Variants in TCP11L1 observed in about 807,000 individuals in gnomAD.
TCP11L1 encodes t-complex 11 like 1.
Under a neutral mutation model 48.9 loss-of-function variants are expected in TCP11L1, and 28 were observed. The observed-to-expected ratio is 0.57, with a 90% confidence interval of 0.42 to 0.78. TCP11L1 has a LOEUF of 0.78. TCP11L1 is among the 30% of genes least tolerant of loss of function. The pLI is 0.00. For missense variants in TCP11L1, 505 were observed against 613.4 expected, an observed-to-expected ratio of 0.82 and a Z score of 1.87; for synonymous variants, 204 against 231.9, an observed-to-expected ratio of 0.88 and a Z score of 1.09.
In TCP11L1 at chr11:33,057,240, G is replaced by T; in HGVS notation, c.417+5G>T. 6.2e-7 allele frequency: 1 copy of T among 1,614,006 alleles called. No homozygotes were observed. Among genetic ancestry groups the T allele is most frequent in the East Asian group, 2.2e-5 (1 of 44,866 alleles). ...CTTGTAGGAGAAATCAAAGAGGTGA[G>T]GCAAAGAGTGAATTGTGATGCTTTT... On this transcript the variant is annotated splice_donor_5th_base_variant and intron_variant, in intron 4 of 9. Coordinates refer to ENST00000334274, the MANE Select transcript of TCP11L1 (RefSeq NM_018393.4).
At chr11:33,053,674 A>C (rs190111265) in intron 2 of TCP11L1, among the ~76,000 whole-genome samples, 100 of 152,240 alleles carry the variant, frequency 6.6e-4, no homozygotes, top group Admixed American at 2.7e-3. Flanking sequence ...CATTCTAGAA[A>C]ATTCTTGTGT....
At chr11:33,045,550 C>T (rs943304754) in intron 2 of TCP11L1, among the ~76,000 whole-genome samples, 4 of 151,926 alleles carry the variant, frequency 2.6e-5, no homozygotes, top group Non-Finnish European at 5.9e-5. Flanking sequence ...ATAAAGAGGC[C>T]AGGATTGATT....
intron 2 of TCP11L1, 46 bp downstream of exon 2, chr11:33,043,982 C>T (rs1853913388): frequency 6.5e-7 from 1 of 1,532,718 alleles, no homozygotes; most frequent in Non-Finnish European, 8.8e-7. Flanking sequence ...TCATTGTTTT[C>T]AGGTGACGGT....
intron 7 of TCP11L1, among the ~76,000 whole-genome samples, chr11:33,063,527 T>C (rs530129142): frequency 3.9e-5 from 6 of 152,350 alleles, no homozygotes; most frequent in African/African-American, 1.4e-4. Flanking sequence ...GTGTGGTTGT[T>C]CACAGCTTTA....
intron 8 of TCP11L1, among the ~76,000 whole-genome samples, chr11:33,067,237 G>A (rs1396560146): frequency 1.3e-5 from 2 of 152,182 alleles, no homozygotes; most frequent in African/African-American, 4.8e-5. Context: ...CATGTTGGGT[G>A]ACTTCTATGG....
chr11:33,042,979 T>C (rs1192474583), intron 1 of TCP11L1, among the ~76,000 whole-genome samples: 1 of 152,224 alleles, frequency 6.6e-6, no homozygotes, highest in African/African-American at 2.4e-5. Flanking sequence ...GGCAGGAGAA[T>C]CACTTGAAAC....
rs763957525 is a variant in TCP11L1 at position 33,058,119 on chromosome 11, G to A, written c.618G>A (p.Lys206=). 5 of 1,613,458 alleles carry A rather than the reference G, an allele frequency of 3.1e-6. No homozygotes were observed. Among genetic ancestry groups the A allele is most frequent in the Non-Finnish European group, 4.2e-6 (5 of 1,179,944 alleles). The change falls in exon 5 of 10, where the codon AAG becomes AAA. Residue 206 remains lysine (K), a synonymous_variant. Coordinates refer to ENST00000334274, the MANE Select transcript of TCP11L1 (RefSeq NM_018393.4). ...AAGTTAAGAAACTAAAGGACATTAA[G>A]GAAATAGTGCCCCTTTTCAGGTATG... The part of the protein sequence containing the change: ...DEEVKKLKDI[K]EIVPLFREIF...
At chr11:33,070,022 C>T (rs1270003413) in intron 9 of TCP11L1, among the ~76,000 whole-genome samples, 4 of 152,052 alleles carry the variant, frequency 2.6e-5, no homozygotes, top group South Asian at 4.2e-4. Flanking sequence ...AGCCAGTTAC[C>T]GACAGATTGA....
chr11:33,065,764 C>CG, intron 7 of TCP11L1, 66 bp from the exon 8 acceptor site: 1 of 1,550,072 alleles, frequency 6.5e-7, no homozygotes, highest in Non-Finnish European at 8.8e-7. Context: ...GGGGCTGTGG[C>CG]GCTCCCGCCC....
rs575294021 is a variant in TCP11L1, at chr11:33,062,013, G to A, written c.972+287G>A. On this transcript the variant is annotated intron_variant, in intron 7 of 9. Transcript: ENST00000334274. ...AGAGAATTGCTTGAACCTGGGAGGC[G>A]GAGCTTGCAGTGAGCCAAGATTGCA... 5.3e-5 allele frequency among the ~76,000 whole-genome samples: 8 copies of A among 152,158 alleles called. 1 individual carries two copies. In the East Asian group the frequency reaches 5.8e-4, roughly 11 times the overall value.
intron 1 of TCP11L1, among the ~76,000 whole-genome samples, chr11:33,041,469 G>A (rs1321319813): frequency 6.6e-6 from 1 of 152,162 alleles, no homozygotes; most frequent in African/African-American, 2.4e-5. Context: ...TACAGGCCTG[G>A]GCCAGGTGCA....
At position 33,049,255 on chromosome 11, in the gene TCP11L1, A is replaced by C. The variant is rs1854087836; in HGVS notation, c.163+5319A>C. Among the ~76,000 whole-genome samples, 9 of 152,064 alleles carry C rather than the reference A, an allele frequency of 5.9e-5. No homozygotes were observed. The South Asian group carries it at 1.9e-3, about 32-fold the overall frequency. The stretch of plus-strand genomic sequence containing the variant: ...CAGAGCAAGACTCCGTCTCAAAAAA[A>C]AAAAAAAAAAAATTCACCCAGAGGA... On this transcript the variant is annotated intron_variant, in intron 2 of 9. Transcript: ENST00000334274.
chr11:33,068,680 GC>G lies in TCP11L1; in HGVS notation c.1155-3del, dbSNP rs1854689100. ...TTATAGGCCCTTTCTCCCCTCCTCT[GC>G]CCCAGCTCCTTCCATCTGAAGGACG... On this transcript the variant is annotated splice_polypyrimidine_tract_variant and splice_region_variant and intron_variant, in intron 8 of 9. Coordinates refer to ENST00000334274, the MANE Select transcript of TCP11L1 (RefSeq NM_018393.4). 2.5e-6 allele frequency: 4 copies of G among 1,613,312 alleles called. No homozygotes were observed. The African/African-American group carries it at 5.3e-5, about 22-fold the overall frequency.
chr11:33,048,747 T>G (rs1015683710), intron 2 of TCP11L1, among the ~76,000 whole-genome samples: 1 of 152,162 alleles, frequency 6.6e-6, no homozygotes, highest in Non-Finnish European at 1.5e-5. Flanking sequence ...TTCGGAGGAT[T>G]CTTATATTTC....
chr11:33,066,105 C>T, intron 8 of TCP11L1, 94 bp downstream of exon 8: 1 of 1,479,930 alleles, frequency 6.8e-7, no homozygotes, highest in Non-Finnish European at 9.2e-7. Flanking sequence ...AGGCAGAGCC[C>T]AGGGCCACTC....
intron 6 of TCP11L1, among the ~76,000 whole-genome samples, chr11:33,060,337 G>C (rs1179874544): frequency 6.6e-6 from 1 of 152,144 alleles, no homozygotes; most frequent in East Asian, 1.9e-4. Flanking sequence ...TGAAAGCCTG[G>C]GTTTCCCAAA....
Position 33,065,842 on chromosome 11 carries a change from G to A in TCP11L1, c.985G>A (p.Asp329Asn), listed in dbSNP as rs1343241272. ...CTATTCATTACAGACAGTTTTAATG[G>A]ACCAGTCTCGCTTCCACGAGCTCCA... ...QRPFPETVLM[D>N]QSRFHELQLQ... is the part of the protein sequence containing the mutation. Residue 329 changes from aspartate to asparagine, a missense_variant, in exon 8 of 10, where the codon GAC becomes AAC. Physicochemically the swap from Asp to Asn is conservative, Grantham distance 23 (BLOSUM62 1). Transcript: ENST00000334274. 1 of 1,613,882 alleles carries A rather than the reference G, an allele frequency of 6.2e-7. No homozygotes were observed. Among genetic ancestry groups the A allele is most frequent in the Non-Finnish European group, 8.5e-7 (1 of 1,179,868 alleles).
At chr11:33,056,651 C>T in intron 3 of TCP11L1, 1 of 247,684 alleles carries the variant, frequency 4.0e-6, no homozygotes, top group Non-Finnish European at 8.3e-6. Context: ...CAACCTCTGG[C>T]CAGGCTGATC....
At chr11:33,040,845 T>C (rs574481204) in intron 1 of TCP11L1, 13 of 152,234 alleles carry the variant, frequency 8.5e-5, no homozygotes, top group African/African-American at 3.1e-4. Flanking sequence ...AGTTCAAATG[T>C]CATCTTTTCT....
Sources: allele counts gnomAD v4.1 joint callset (sites outside exome capture counted in the v4.1 genomes callset), GRCh38; gene constraint gnomAD v4.1.1; transcripts MANE v1.5; gene names NCBI Gene and HGNC (gene_info 2026-07-23, HGNC 2026-07-21).